KDM4A: variants seen among roughly 807,000 people sequenced by gnomAD.
The protein encoded by KDM4A is lysine demethylase 4A, also known as lysine-specific demethylase 4A.
Under a neutral mutation model 127.1 loss-of-function variants are expected in KDM4A, and 23 were observed. The ratio of observed to expected loss-of-function variants is 0.18; its 90% CI spans 0.13 to 0.26. The LOEUF is 0.26. Among genes scored for constraint, KDM4A ranks in the 10% least tolerant of loss-of-function variants. KDM4A has a pLI of 1.00. For missense variants in KDM4A, 890 were observed against 1,329.1 expected, an observed-to-expected ratio of 0.67 and a Z score of 5.14; for synonymous variants, 443 against 466.5, an observed-to-expected ratio of 0.95 and a Z score of 0.65.
At chr1:43,683,932 C>T (rs919069988) in intron 12 of KDM4A, 128 bp downstream of exon 12, 2 of 1,033,584 alleles carry the variant, frequency 1.9e-6, no homozygotes, top group African/African-American at 3.2e-5. Context: ...TCCAGATATT[C>T]CATAAAGAGA....
At chr1:43,668,122 GT>G (rs1660540589) in intron 9 of KDM4A, 103 bp downstream of exon 9, 6 of 1,361,704 alleles carry the variant, frequency 4.4e-6, no homozygotes, top group African/African-American at 2.9e-5. Flanking sequence ...GTTTTGTTTT[GT>G]TTTTGTTTTT....
At chr1:43,692,811 T>C (rs1661148792) in intron 16 of KDM4A, among the ~76,000 whole-genome samples, 1 of 152,226 alleles carries the variant, frequency 6.6e-6, no homozygotes, top group Non-Finnish European at 1.5e-5. Flanking sequence ...TGCTGAATTT[T>C]CTGGGCTTCT....
chr1:43,692,102 C>T (rs542254163), intron 15 of KDM4A, among the ~76,000 whole-genome samples, 154 bp from the exon 16 acceptor site: 21 of 152,346 alleles, frequency 1.4e-4, no homozygotes, highest in Middle Eastern at 6.8e-3. Context: ...TCTGACAGGG[C>T]GTCCTGGTGC....
chr1:43,688,080 TGCCTGTAGTCCAAGCTACTTGGGCA>T lies in KDM4A; in HGVS notation c.1856-831_1856-807del, dbSNP rs1661028602. 6.6e-6 allele frequency among the ~76,000 whole-genome samples: 1 copy of T among 152,124 alleles called. No individual in the cohort carries two copies. The highest frequency in any genetic ancestry group is 1.5e-5 in the Non-Finnish European group (1 of 68,016). ...AAACAAAGCTGGGTGCAGTGGCTCA[TGCCTGTAGTCCAAGCTACTTGGGCA>T]GCTGTGATGGGAGGATCACTTGAGC... On this transcript the variant is annotated intron_variant, in intron 12 of 21. Transcript: ENST00000372396. The surrounding 1 kb of genome is among the most constrained non-coding windows in gnomAD (Gnocchi z 4.4).
Position 43,666,544 on chromosome 1 carries a change from C to G in KDM4A, c.766C>G (p.Pro256Ala). The change falls in exon 7 of 22, where the codon CCC (proline) becomes GCC (alanine). Residue 256 changes from proline to alanine, a missense_variant. This residue lies in a region of KDM4A where 141 missense variants were observed against 273.5 expected (regional missense o/e 0.52). Transcript: ENST00000372396. ...GTTAATGCTGAAGAAATATGGAATT[C>G]CCTTTGACAAGGTGAGCTGATGTTA... ...SPLMLKKYGIPFDKVTQEAGE... is the reference protein window; with the variant it reads ...SPLMLKKYGIAFDKVTQEAGE... The G allele has an allele frequency of 6.2e-7, 1 of 1,613,842 alleles. No homozygotes were observed. Among genetic ancestry groups the G allele is most frequent in the Non-Finnish European group, 8.5e-7 (1 of 1,179,734 alleles).
intron 4 of KDM4A, among the ~76,000 whole-genome samples, 178 bp downstream of exon 4, chr1:43,660,590 G>C (rs1660350419): frequency 6.6e-6 from 1 of 152,160 alleles, no homozygotes; most frequent in Admixed American, 6.6e-5. Flanking sequence ...GCATGTGACT[G>C]AATTTTATTT....
chr1:43,654,595 T>C (rs1275939852), intron 2 of KDM4A, among the ~76,000 whole-genome samples: 1 of 152,160 alleles, frequency 6.6e-6, no homozygotes, highest in Non-Finnish European at 1.5e-5. Context: ...AATTTGATTA[T>C]GTGAGTAAAA....
intron 18 of KDM4A, among the ~76,000 whole-genome samples, chr1:43,696,218 A>C (rs1177743577): frequency 6.6e-6 from 1 of 152,198 alleles, no homozygotes; most frequent in Admixed American, 6.5e-5. Flanking sequence ...CCAACAGAGA[A>C]GGCAGGGCTG....
chr1:43,689,802 GC>G (rs1661067978), intron 13 of KDM4A, among the ~76,000 whole-genome samples: 2 of 152,254 alleles, frequency 1.3e-5, no homozygotes, highest in Non-Finnish European at 2.9e-5. Flanking sequence ...TGGCATGGCT[GC>G]CGCTGAGCCT....
intron 2 of KDM4A, among the ~76,000 whole-genome samples, chr1:43,654,098 T>G (rs1225462200): frequency 6.6e-6 from 1 of 152,172 alleles, no homozygotes; most frequent in Non-Finnish European, 1.5e-5. Flanking sequence ...GACGACCACA[T>G]CCTCTTTCTT....
intron 4 of KDM4A, 151 bp from the exon 5 acceptor site, chr1:43,662,743 A>G: frequency 3.3e-6 from 2 of 608,996 alleles, no homozygotes; most frequent in Non-Finnish European, 2.8e-6. Context: ...TCAATGAGGA[A>G]TGCTATGGTC....
At chr1:43,684,913 A>C (rs920865284) in intron 12 of KDM4A, among the ~76,000 whole-genome samples, 6 of 152,200 alleles carry the variant, frequency 3.9e-5, no homozygotes, top group African/African-American at 1.2e-4. Context: ...GATAAAATCA[A>C]CTGGATTTGG....
chr1:43,683,645 T>C lies in KDM4A; in HGVS notation c.1735-39T>C, dbSNP rs376927690. The C allele has an allele frequency of 3.1e-5, 49 of 1,602,098 alleles. No individual in the cohort carries two copies. The African/African-American group carries it at 5.6e-4, about 18-fold the overall frequency. The stretch of plus-strand genomic sequence containing the variant: ...AGGGTGACTTGTGCTGTGTCTCAAG[T>C]GGAGACAAGACCAATTTAATTTCTT... On this transcript the variant is annotated intron_variant, in intron 11 of 21. Coordinates refer to ENST00000372396, the MANE Select transcript of KDM4A (RefSeq NM_014663.3).
At chr1:43,674,278 T>C (rs954176564) in intron 11 of KDM4A, among the ~76,000 whole-genome samples, 4 of 152,186 alleles carry the variant, frequency 2.6e-5, no homozygotes, top group Admixed American at 2.0e-4. Flanking sequence ...ATATGCATTG[T>C]TCAGTCTTTG....
In KDM4A at chr1:43,694,124, A is replaced by G. The variant is rs201351709; in HGVS notation, c.2484+22A>G. On this transcript the variant is annotated intron_variant, in intron 17 of 21. Coordinates refer to ENST00000372396, the MANE Select transcript of KDM4A (RefSeq NM_014663.3). This position sits in a 1 kb window ranked among gnomAD's most constrained non-coding sequence, Gnocchi z 5.2. ...ACTGGTAAGGGCTTGTAGACTCTAC[A>G]TAATTTCCCGACTTACAAGTTTCTG... The G allele has an allele frequency of 1.3e-6, 2 of 1,582,134 alleles. No individual in the cohort carries two copies. The highest frequency in any genetic ancestry group is 2.2e-5 in the East Asian group (1 of 44,676).
chr1:43,655,571 GT>G lies in KDM4A; in HGVS notation c.139-17del. ...TGCCAGGTTTCTCATCTGTCTTTTT[GT>G]TTCTTGTGTTCCCTTCAGGTTGTTC... On this transcript the variant is annotated intron_variant, in intron 2 of 21. Coordinates refer to ENST00000372396, the MANE Select transcript of KDM4A (RefSeq NM_014663.3). 3 of 1,581,758 alleles carry G rather than the reference GT, an allele frequency of 1.9e-6. No individual in the cohort carries two copies. Among genetic ancestry groups the G allele is most frequent in the Non-Finnish European group, 2.6e-6 (3 of 1,163,744 alleles).
At position 43,692,303 on chromosome 1, in the gene KDM4A, T is replaced by C. The variant is rs758826291; in HGVS notation, c.2367T>C (p.Asn789=). 3 of 1,613,984 alleles carry C rather than the reference T, an allele frequency of 1.9e-6. No individual in the cohort carries two copies. Among genetic ancestry groups the C allele is most frequent in the African/African-American group, 1.3e-5 (1 of 75,020 alleles). ...SLRGGALQRA[N]DDRWVHVSCA... ...GAGGAGGGGCCCTGCAGAGAGCAAA[T>C]GATGACAGGTAAGTTTCCTGAGCAG... The change falls in exon 16 of 22, where the codon AAT becomes AAC. Residue 789 remains asparagine (N), a synonymous_variant. Coordinates refer to ENST00000372396, the MANE Select transcript of KDM4A (RefSeq NM_014663.3).
At chr1:43,654,309 C>T (rs1024255889) in intron 2 of KDM4A, among the ~76,000 whole-genome samples, 2 of 152,210 alleles carry the variant, frequency 1.3e-5, no homozygotes, top group Non-Finnish European at 1.5e-5. Flanking sequence ...TCTCCAGTGC[C>T]GTCTCCTTAA....
intron 18 of KDM4A, among the ~76,000 whole-genome samples, chr1:43,696,898 T>C (rs1285795781): frequency 2.7e-5 from 4 of 146,360 alleles, no homozygotes; most frequent in Non-Finnish European, 4.6e-5. Context: ...GCCAGGACTA[T>C]ACCATTGAAC....
Sources: gnomAD v4.1 joint callset for allele counts (sites outside exome capture counted in the v4.1 genomes callset) on GRCh38, gnomAD v4.1.1 for gene constraint, gnomAD v4.1.1 regional missense constraint, Gnocchi (gnomAD v3.1) non-coding constraint, MANE v1.5 for transcripts, NCBI Gene and HGNC (gene_info 2026-07-23, HGNC 2026-07-21) for gene names.